Variants in DCC observed in about 807,000 individuals in gnomAD.
DCC encodes netrin receptor DCC.
DCC carries 58 observed loss-of-function variants against 172.5 expected under a neutral mutation model. The ratio of observed to expected loss-of-function variants is 0.34; its 90% CI spans 0.27 to 0.42. DCC has a LOEUF of 0.42. DCC is among the 10% of genes least tolerant of loss of function. The pLI, the probability that DCC is intolerant of heterozygous loss-of-function variation, is 1.00. For missense variants in DCC, 1,740 were observed against 1,791.0 expected (o/e 0.97, Z 0.51); for synonymous variants, 709 against 644.5 (o/e 1.10, Z -1.52).
At chr18:53,368,052 A>G (rs1045869060) in intron 15 of DCC, among the ~76,000 whole-genome samples, 5 of 152,142 alleles carry the variant, frequency 3.3e-5, no homozygotes, top group African/African-American at 1.2e-4. Context: ...CAAGCAGTGC[A>G]CAAGGGTTCC....
intron 5 of DCC, among the ~76,000 whole-genome samples, chr18:53,006,986 A>T (rs1028459020): frequency 1.3e-5 from 2 of 152,234 alleles, no homozygotes; most frequent in Admixed American, 1.3e-4. Flanking sequence ...ACAGAAGCTT[A>T]GTAATCACTA....
At chr18:52,953,530 G>A (rs1245651159) in intron 5 of DCC, among the ~76,000 whole-genome samples, 1 of 152,194 alleles carries the variant, frequency 6.6e-6, no homozygotes, top group Non-Finnish European at 1.5e-5. Flanking sequence ...CCTACCCACT[G>A]AGTCATTCTA....
At chr18:52,699,237 C>A (rs1599028422) in intron 1 of DCC, among the ~76,000 whole-genome samples, 1 of 152,158 alleles carries the variant, frequency 6.6e-6, no homozygotes, top group Admixed American at 6.5e-5. Flanking sequence ...GACCGGGAGC[C>A]TCAGAGCTGT....
chr18:53,415,496 A>C (rs1910257985), intron 20 of DCC, among the ~76,000 whole-genome samples: 1 of 152,210 alleles, frequency 6.6e-6, no homozygotes, highest in Non-Finnish European at 1.5e-5. Flanking sequence ...TAGCAGAAAA[A>C]AAAAGTCATC....
At chr18:53,356,870 C>G (rs1319844208) in intron 15 of DCC, among the ~76,000 whole-genome samples, 1 of 152,112 alleles carries the variant, frequency 6.6e-6, no homozygotes, top group Non-Finnish European at 1.5e-5. Flanking sequence ...AGGCTGGGCT[C>G]CTTCTGAGTT....
At chr18:53,056,863 GC>G (rs2042412092) in intron 5 of DCC, among the ~76,000 whole-genome samples, 1 of 151,764 alleles carries the variant, frequency 6.6e-6, no homozygotes, top group Non-Finnish European at 1.5e-5. Flanking sequence ...GGTTTGTGCT[GC>G]CTATTGTTAA....
At chr18:53,328,563 CTG>C (rs1398923758) in intron 14 of DCC, among the ~76,000 whole-genome samples, 1 of 152,116 alleles carries the variant, frequency 6.6e-6, no homozygotes, top group Non-Finnish European at 1.5e-5. Flanking sequence ...TAGACAGAAT[CTG>C]GCTCTGTCAC....
chr18:53,343,146 C>T (rs183490464), intron 15 of DCC, among the ~76,000 whole-genome samples: 1 of 151,868 alleles, frequency 6.6e-6, no homozygotes, highest in East Asian at 1.9e-4. Context: ...TTTCTGATCT[C>T]TGTCCCTTTT....
At chr18:53,005,104 G>A (rs2041624454) in intron 5 of DCC, among the ~76,000 whole-genome samples, 1 of 152,160 alleles carries the variant, frequency 6.6e-6, no homozygotes, top group Non-Finnish European at 1.5e-5. Flanking sequence ...GCCCTAGCCA[G>A]ATGGGGGCCC....
chr18:53,461,637 G>A (rs2045560822), intron 24 of DCC, among the ~76,000 whole-genome samples: 1 of 152,174 alleles, frequency 6.6e-6, no homozygotes, highest in South Asian at 2.1e-4. Context: ...TTATTTGAAT[G>A]TGTTGCTGTT....
At chr18:52,829,345 C>T (rs2038569160) in intron 2 of DCC, among the ~76,000 whole-genome samples, 1 of 152,190 alleles carries the variant, frequency 6.6e-6, no homozygotes, top group Non-Finnish European at 1.5e-5. Flanking sequence ...GTCCTAGTTG[C>T]AGTGCTGGAA....
chr18:52,967,912 T>C (rs1243186341), intron 5 of DCC, among the ~76,000 whole-genome samples: 3 of 152,194 alleles, frequency 2.0e-5, no homozygotes, highest in Non-Finnish European at 2.9e-5. Context: ...TATATGCCTA[T>C]GTAGTTATTT....
intron 2 of DCC, among the ~76,000 whole-genome samples, chr18:52,826,567 G>T (rs2038514224): frequency 6.6e-6 from 1 of 151,978 alleles, no homozygotes; most frequent in African/African-American, 2.4e-5. Context: ...TGCAACTTCG[G>T]TCTCCCAGCC....
At chr18:53,435,708 T>A (rs1456388602) in intron 22 of DCC, among the ~76,000 whole-genome samples, 1 of 152,208 alleles carries the variant, frequency 6.6e-6, no homozygotes, top group African/African-American at 2.4e-5. Context: ...TTGTGTTGTC[T>A]ACATTAGACA....
At chr18:52,385,606 A>G (rs1339702748) in intron 1 of DCC, among the ~76,000 whole-genome samples, 1 of 152,022 alleles carries the variant, frequency 6.6e-6, no homozygotes, top group African/African-American at 2.4e-5. Context: ...CAGAGGATGA[A>G]GTGATTCTAT....
intron 12 of DCC, among the ~76,000 whole-genome samples, chr18:53,249,232 G>T (rs563759417): frequency 6.6e-6 from 1 of 152,024 alleles, no homozygotes; most frequent in Middle Eastern, 3.4e-3. Flanking sequence ...ACATCATTTA[G>T]TAAAAGTATG....
intron 1 of DCC, among the ~76,000 whole-genome samples, chr18:52,632,447 C>T (rs569938535): frequency 2.2e-4 from 33 of 152,302 alleles, no homozygotes; most frequent in African/African-American, 7.5e-4. Context: ...TAATAAAGCA[C>T]CAGAGAGAAT....
At chr18:53,174,799 A>C (rs1265603312) in intron 8 of DCC, among the ~76,000 whole-genome samples, 4 of 151,604 alleles carry the variant, frequency 2.6e-5, no homozygotes, top group Non-Finnish European at 5.9e-5. Context: ...CAATAGAAAA[A>C]GAGGGAATCC....
intron 1 of DCC, among the ~76,000 whole-genome samples, chr18:52,750,167 A>G (rs1209071443): frequency 1.3e-5 from 2 of 152,212 alleles, no homozygotes. Flanking sequence ...CCTCCAAACT[A>G]GATGTTGAAC....
Sources: allele counts gnomAD v4.1 joint callset (sites outside exome capture counted in the v4.1 genomes callset), GRCh38; gene constraint gnomAD v4.1.1; transcripts MANE v1.5; gene names NCBI Gene and HGNC (gene_info 2026-07-23, HGNC 2026-07-21).